Variants in CLSTN2 observed in about 807,000 individuals in gnomAD.
CLSTN2 encodes calsyntenin-2.
A neutral mutation model predicts 101.2 loss-of-function variants in CLSTN2; 48 were observed. That is an observed-to-expected ratio of 0.47 (90% CI 0.38 to 0.60). The LOEUF (loss-of-function observed/expected upper bound fraction) is 0.60, where lower values mean the gene tolerates loss of function less well. Ranked by LOEUF, CLSTN2 falls within the 20% of genes least tolerant of loss-of-function variation. CLSTN2 has a pLI of 0.00. For missense variants in CLSTN2, 1,160 were observed against 1,238.2 expected (o/e 0.94, Z 0.95); for synonymous variants, 481 against 463.6 (o/e 1.04, Z -0.48).
chr3:140,184,908 T>A (rs1317578481), intron 2 of CLSTN2, among the ~76,000 whole-genome samples: 2 of 151,976 alleles, frequency 1.3e-5, no homozygotes, highest in Admixed American at 6.6e-5. Flanking sequence ...ATATACACCA[T>A]GGGAAGGAAA....
chr3:140,435,119 C>A (rs1208981176), intron 5 of CLSTN2, among the ~76,000 whole-genome samples: 1 of 152,140 alleles, frequency 6.6e-6, no homozygotes, highest in Non-Finnish European at 1.5e-5. Flanking sequence ...AAATTATTGA[C>A]TATAGTCACC....
At chr3:140,304,292 C>T (rs1025269509) in intron 2 of CLSTN2, among the ~76,000 whole-genome samples, 4 of 152,140 alleles carry the variant, frequency 2.6e-5, no homozygotes, top group Admixed American at 1.3e-4. Context: ...TGAATCTTTG[C>T]GTCTTAGTTG....
chr3:140,083,591 A>G (rs2008632467), intron 1 of CLSTN2, among the ~76,000 whole-genome samples: 1 of 152,188 alleles, frequency 6.6e-6, no homozygotes, highest in South Asian at 2.1e-4. Context: ...TGCCCCACCA[A>G]TATTCTATTA....
chr3:140,069,470 A>T (rs2008355718), intron 1 of CLSTN2, among the ~76,000 whole-genome samples: 1 of 152,192 alleles, frequency 6.6e-6, no homozygotes, highest in Admixed American at 6.5e-5. Context: ...CATGGGCTTC[A>T]TGGGCAGTGA....
rs185326951 is a variant in CLSTN2, at chr3:139,993,113, C to T, written c.109+57630C>T. Among the ~76,000 whole-genome samples the T allele has an allele frequency of 7.2e-5, 11 of 152,198 alleles. 1 individual carries two copies. In the East Asian group the frequency reaches 7.7e-4, roughly 11 times the overall value. ...TGTTGTGTGTGTGTATGGGAGGGGG[C>T]GGTCAGTCACTCTGGAATGCTGGAC... On this transcript the variant is annotated intron_variant, in intron 1 of 16. Coordinates refer to ENST00000458420, the MANE Select transcript of CLSTN2 (RefSeq NM_022131.3).
intron 2 of CLSTN2, among the ~76,000 whole-genome samples, chr3:140,219,824 A>T (rs1393818105): frequency 1.3e-5 from 2 of 152,192 alleles, no homozygotes; most frequent in Non-Finnish European, 2.9e-5. Flanking sequence ...TATGTAAAAT[A>T]GTGGGGCACA....
intron 1 of CLSTN2, among the ~76,000 whole-genome samples, chr3:139,983,967 G>T (rs1935979482): frequency 6.6e-6 from 1 of 152,114 alleles, no homozygotes. Context: ...CTCCCCAAAT[G>T]TTCTTCATTC....
At chr3:139,946,497 A>G (rs1205732194) in intron 1 of CLSTN2, among the ~76,000 whole-genome samples, 1 of 152,100 alleles carries the variant, frequency 6.6e-6, no homozygotes, top group Non-Finnish European at 1.5e-5. Flanking sequence ...TCACTTGATC[A>G]TCTGGAGGCT....
chr3:140,230,736 C>A (rs900034875), intron 2 of CLSTN2, among the ~76,000 whole-genome samples: 10 of 152,192 alleles, frequency 6.6e-5, no homozygotes, highest in Admixed American at 5.2e-4. Context: ...CCACCCAGTT[C>A]ATGGTATTTT....
intron 1 of CLSTN2, among the ~76,000 whole-genome samples, chr3:140,173,223 G>A (rs565363973): frequency 6.6e-6 from 1 of 152,258 alleles, no homozygotes; most frequent in Non-Finnish European, 1.5e-5. Context: ...CAAAACAAAA[G>A]GGCTACAGGG....
intron 1 of CLSTN2, among the ~76,000 whole-genome samples, chr3:139,989,110 C>A (rs1421545128): frequency 1.3e-5 from 2 of 152,156 alleles, no homozygotes; most frequent in Non-Finnish European, 2.9e-5. Flanking sequence ...ACAGCCAGCC[C>A]AAGTCTCACA....
chr3:140,564,110 G>C lies in CLSTN2; in HGVS notation c.2632G>C (p.Asp878His). Reference sequence around the variant, plus strand: ...CAAGGAATCTGAGATGGACTGGGACGATTCTGCGCTGACTATCACAGTCAA... The same window carrying C: ...CAAGGAATCTGAGATGGACTGGGACCATTCTGCGCTGACTATCACAGTCAA... ...AAKESEMDWDDSALTITVNPM... is the reference protein window; with the variant it reads ...AAKESEMDWDHSALTITVNPM... The change falls in exon 16 of 17, where the codon GAT (aspartate) becomes CAT (histidine). Residue 878 changes from aspartate to histidine, a missense_variant. By Grantham distance (81) the Asp-to-His change is moderately conservative. Coordinates refer to ENST00000458420, the MANE Select transcript of CLSTN2 (RefSeq NM_022131.3). 1 of 1,614,106 alleles carries C rather than the reference G, an allele frequency of 6.2e-7. No homozygotes were observed. The highest frequency in any genetic ancestry group is 1.1e-5 in the South Asian group (1 of 91,064).
chr3:140,205,224 G>T (rs919981949), intron 2 of CLSTN2, among the ~76,000 whole-genome samples: 2 of 152,114 alleles, frequency 1.3e-5, no homozygotes, highest in African/African-American at 4.8e-5. Flanking sequence ...AATCCTATGG[G>T]TTTTATTTCT....
intron 2 of CLSTN2, among the ~76,000 whole-genome samples, chr3:140,341,180 T>C (rs1209462238): frequency 6.6e-6 from 1 of 152,194 alleles, no homozygotes; most frequent in African/African-American, 2.4e-5. Flanking sequence ...GTGAGCATAA[T>C]TACTTGTATA....
At chr3:140,490,680 A>C (rs1030775699) in intron 8 of CLSTN2, among the ~76,000 whole-genome samples, 2 of 151,530 alleles carry the variant, frequency 1.3e-5, no homozygotes, top group Non-Finnish European at 2.9e-5. Flanking sequence ...AAATTCTGTG[A>C]CTTCTCACTT....
chr3:140,347,140 T>C (rs1388530886), intron 2 of CLSTN2, among the ~76,000 whole-genome samples: 1 of 152,246 alleles, frequency 6.6e-6, no homozygotes, highest in African/African-American at 2.4e-5. Flanking sequence ...AGAATTGTTT[T>C]TCTTGATGGT....
At chr3:140,058,212 T>C (rs954645398) in intron 1 of CLSTN2, among the ~76,000 whole-genome samples, 6 of 152,026 alleles carry the variant, frequency 3.9e-5, no homozygotes, top group African/African-American at 1.2e-4. Flanking sequence ...TCAAATCAGG[T>C]AGGTGGAAAT....
intron 1 of CLSTN2, among the ~76,000 whole-genome samples, chr3:140,139,180 G>A (rs2009659518): frequency 6.6e-6 from 1 of 152,146 alleles, no homozygotes; most frequent in Non-Finnish European, 1.5e-5. Flanking sequence ...GCAGTAGAGT[G>A]AACTTGCATT....
chr3:140,397,556 G>A (rs553714424), intron 2 of CLSTN2, among the ~76,000 whole-genome samples: 4 of 152,108 alleles, frequency 2.6e-5, no homozygotes, highest in South Asian at 4.2e-4. Context: ...CAAGATCAAG[G>A]CACTGACACC....
Sources: allele counts gnomAD v4.1 joint callset (sites outside exome capture counted in the v4.1 genomes callset), GRCh38; gene constraint gnomAD v4.1.1; transcripts MANE v1.5; gene names NCBI Gene and HGNC (gene_info 2026-07-23, HGNC 2026-07-21).